TLN2: variants seen among roughly 807,000 people sequenced by gnomAD.
TLN2 encodes talin 2, also known as talin-2.
Under a neutral mutation model 294.7 loss-of-function variants are expected in TLN2, and 118 were observed. The observed-to-expected ratio is 0.40, with a 90% confidence interval of 0.34 to 0.47. The LOEUF (loss-of-function observed/expected upper bound fraction) is 0.47. Ranked by LOEUF, TLN2 falls within the 20% of genes least tolerant of loss-of-function variation. The probability of loss-of-function intolerance (pLI) is 0.84; values close to 1 mark genes in which losing one functional copy is unlikely to be tolerated. For missense variants in TLN2, 3,083 were observed against 3,282.2 expected (o/e 0.94, Z 1.48); for synonymous variants, 1,431 against 1,304.5 (o/e 1.10, Z -2.09).
chr15:62,461,490 T>C (rs1418961902), intron 1 of TLN2, among the ~76,000 whole-genome samples: 2 of 152,254 alleles, frequency 1.3e-5, no homozygotes, highest in Admixed American at 1.3e-4. Context: ...AATAATGTTA[T>C]TTATGTCTTC....
chr15:62,750,842 T>C (rs970254960), intron 34 of TLN2, among the ~76,000 whole-genome samples: 10 of 152,322 alleles, frequency 6.6e-5, no homozygotes, highest in East Asian at 1.9e-4. Context: ...ATGGGTCTTA[T>C]TGTAAGTCAA....
At chr15:62,392,285 T>C (rs1237207244) in intron 1 of TLN2, among the ~76,000 whole-genome samples, 1 of 152,246 alleles carries the variant, frequency 6.6e-6, no homozygotes, top group Non-Finnish European at 1.5e-5. Context: ...CTTCTGGTTC[T>C]TTCCAGAAGA....
intron 1 of TLN2, among the ~76,000 whole-genome samples, chr15:62,463,032 C>T (rs1008988461): frequency 3.9e-5 from 6 of 152,154 alleles, no homozygotes; most frequent in South Asian, 2.1e-4. Context: ...ACTTATTCCC[C>T]GTCAGAGTAG....
In TLN2 at chr15:62,689,877, T is replaced by TTTTTTTTTTTTTTTTTA. The variant is rs71131119; in HGVS notation, c.1114-2963_1114-2962insTTTTTTTTTTTTTTTTA. Among the ~76,000 whole-genome samples the TTTTTTTTTTTTTTTTTA allele has an allele frequency of 6.6e-3, 65 of 9,848 alleles. 28 individuals carry two copies. The highest frequency in any genetic ancestry group is 0.014 in the Non-Finnish European group (47 of 3,428). The allele number at this position is 9,848 out of a possible 152,430, so 6.5% of individuals were successfully genotyped here. On this transcript the variant is annotated intron_variant, in intron 12 of 58. Transcript: ENST00000636159. ...TTTTTTTTTTTTTTTTTTTTTTTTT[T>TTTTTTTTTTTTTTTTTA]ATTGGCTGACCCCCCTTCCTCCCTC...
intron 1 of TLN2, among the ~76,000 whole-genome samples, chr15:62,524,739 A>G (rs932512924): frequency 1.3e-5 from 2 of 152,220 alleles, no homozygotes; most frequent in African/African-American, 4.8e-5. Context: ...GGGCTGCCTC[A>G]TACATGCATT....
At chr15:62,839,143 T>G (rs1253813809) in intron 58 of TLN2, among the ~76,000 whole-genome samples, 162 bp downstream of exon 58, 1 of 152,186 alleles carries the variant, frequency 6.6e-6, no homozygotes, top group Admixed American at 6.5e-5. Context: ...CCATCTGCCT[T>G]TCTATTTCAC....
chr15:62,656,159 C>A, intron 8 of TLN2, 73 bp downstream of exon 8: 2 of 1,576,840 alleles, frequency 1.3e-6, no homozygotes, highest in South Asian at 1.1e-5. Context: ...TTGTGGCGAG[C>A]AGGAGGGCGG....
intron 3 of TLN2, among the ~76,000 whole-genome samples, chr15:62,646,447 C>G (rs2051854848): frequency 6.6e-6 from 1 of 152,234 alleles, no homozygotes; most frequent in African/African-American, 2.4e-5. Flanking sequence ...CAGGCATGAG[C>G]CACTGCACCC....
At chr15:62,691,792 C>T (rs1397588597) in intron 12 of TLN2, among the ~76,000 whole-genome samples, 2 of 151,758 alleles carry the variant, frequency 1.3e-5, no homozygotes, top group African/African-American at 4.8e-5. Flanking sequence ...CCCTCAGCCT[C>T]TTGAGGAGCT....
rs1031813501 is a variant in TLN2, at chr15:62,842,764, A to G, written c.*2154A>G. 2.0e-5 allele frequency: 3 copies of G among 152,158 alleles called. No homozygotes were observed. Among genetic ancestry groups the G allele is most frequent in the African/African-American group, 7.2e-5 (3 of 41,440 alleles). 9.4% of individuals were successfully genotyped at this position (152,158 alleles called of 1,614,324 possible). A position where few individuals can be genotyped will look rare whatever the true frequency, so the allele number is the denominator to read the frequency against. The stretch of plus-strand genomic sequence containing the variant: ...TTATAACTCTAAAGAACAGGCATCG[A>G]AAGTTTATTTTTGTAGGAGCTATAT... On this transcript the variant is annotated 3_prime_UTR_variant, in exon 59 of 59. Transcript: ENST00000636159.
chr15:62,577,363 G>A (rs1277567945), intron 1 of TLN2, among the ~76,000 whole-genome samples: 1 of 152,156 alleles, frequency 6.6e-6, no homozygotes, highest in Non-Finnish European at 1.5e-5. Flanking sequence ...TGAATCACTT[G>A]AACCTGGGAG....
At chr15:62,625,274 G>A (rs1337454995) in intron 3 of TLN2, among the ~76,000 whole-genome samples, 1 of 152,072 alleles carries the variant, frequency 6.6e-6, no homozygotes, top group East Asian at 1.9e-4. Context: ...GAACCCTTTA[G>A]GAAAGCTTGG....
chr15:62,499,361 G>C (rs2039183679), intron 1 of TLN2, among the ~76,000 whole-genome samples: 1 of 152,062 alleles, frequency 6.6e-6, no homozygotes. Flanking sequence ...GAGGTGGGAG[G>C]ATCGCTAGAG....
At chr15:62,683,251 T>C (rs1335336678) in intron 11 of TLN2, among the ~76,000 whole-genome samples, 1 of 152,178 alleles carries the variant, frequency 6.6e-6, no homozygotes, top group Non-Finnish European at 1.5e-5. Flanking sequence ...ATCTCAGATG[T>C]GAGGCAGAGG....
intron 1 of TLN2, among the ~76,000 whole-genome samples, chr15:62,522,516 G>A (rs2040513155): frequency 6.6e-6 from 1 of 152,196 alleles, no homozygotes; most frequent in Non-Finnish European, 1.5e-5. Context: ...GAACAAGTAC[G>A]CTGTGAGCTT....
intron 9 of TLN2, among the ~76,000 whole-genome samples, chr15:62,664,856 T>TAAAAAAAAAAAAA (rs1567297697): frequency 1.5e-3 from 2 of 1,316 alleles, no homozygotes; most frequent in Non-Finnish European, 5.2e-3. Flanking sequence ...GGAAACTGTC[T>TAAAAAAAAAAAAA]CAAAAAAAAA....
chr15:62,700,644 G>T (rs2058658014), intron 16 of TLN2, among the ~76,000 whole-genome samples: 1 of 152,162 alleles, frequency 6.6e-6, no homozygotes, highest in South Asian at 2.1e-4. Flanking sequence ...AATGCACGTT[G>T]TAAGCAAGAG....
chr15:62,437,443 C>A (rs1390246934), intron 1 of TLN2, among the ~76,000 whole-genome samples: 1 of 151,934 alleles, frequency 6.6e-6, no homozygotes, highest in East Asian at 1.9e-4. Context: ...CAGGATCTCA[C>A]AATGCTGCCC....
chr15:62,460,407 G>A (rs2036733613), intron 1 of TLN2, among the ~76,000 whole-genome samples: 1 of 152,150 alleles, frequency 6.6e-6, no homozygotes, highest in South Asian at 2.1e-4. Context: ...TGGGATTACA[G>A]GCATGTGCCA....
Sources: allele counts gnomAD v4.1 joint callset (sites outside exome capture counted in the v4.1 genomes callset), GRCh38; gene constraint gnomAD v4.1.1; transcripts MANE v1.5; gene names NCBI Gene and HGNC (gene_info 2026-07-23, HGNC 2026-07-21).